The following RASEF variants were observed in gnomAD, a reference collection of about 807,000 sequenced individuals.
RASEF encodes the protein RAS and EF-hand domain containing.
In RASEF, 68 loss-of-function variants were observed where a neutral mutation model predicts 90.1. The ratio of observed to expected loss-of-function variants is 0.75; its 90% CI spans 0.62 to 0.92. The LOEUF (loss-of-function observed/expected upper bound fraction) is 0.92, where lower values mean the gene tolerates loss of function less well. Among genes scored for constraint, RASEF ranks in the 40% least tolerant of loss-of-function variants. RASEF has a pLI of 0.00. For synonymous variants in RASEF, 331 were observed against 345.2 expected (o/e 0.96, Z 0.46); for missense variants, 949 against 937.2 (o/e 1.01, Z -0.16).
intron 1 of RASEF, among the ~76,000 whole-genome samples, chr9:83,049,980 TGA>T (rs1156248531): frequency 5.2e-5 from 1 of 19,396 alleles, no homozygotes; most frequent in Non-Finnish European, 1.0e-4. Flanking sequence ...TTTGCTATTG[TGA>T]ATAGTGCCGC....
the RASEF span, among the ~76,000 whole-genome samples, chr9:83,176,890 C>T: frequency 1.3e-5 from 2 of 151,900 alleles, no homozygotes; most frequent in African/African-American, 4.8e-5. Context: ...TGTAAAGAAG[C>T]CAAGAGAAGA....
At chr9:83,049,416 C>T in intron 1 of RASEF, 1 of 765,608 alleles carries the variant, frequency 1.3e-6, no homozygotes, top group Non-Finnish European at 1.6e-6. Context: ...GATCAAAAGC[C>T]CATTCTCCCA....
chr9:83,048,851 G>C, intron 1 of RASEF: 2 of 763,720 alleles, frequency 2.6e-6, no homozygotes, highest in Non-Finnish European at 3.2e-6. Flanking sequence ...CTGTGAGGCT[G>C]TGTGCAGTGG....
At position 83,003,218 on chromosome 9, in the gene RASEF, A is replaced by AC. The variant is rs201003430; in HGVS notation, c.1202+1279dup. ...GTTATCTTCTTATGTCAAAATAATC[A>AC]CCCCCCCACACACACCCAGAAGGGG... On this transcript the variant is annotated intron_variant, in intron 9 of 16. Transcript: ENST00000376447. Among the ~76,000 whole-genome samples the AC allele has an allele frequency of 9.0e-3, 1,358 of 151,592 alleles. 20 individuals carry two copies. The highest frequency in any genetic ancestry group is 0.031 in the African/African-American group (1,288 of 41,192).
At chr9:83,092,014 T>TTTTTTTTTTTTTTTTTTTTTTTTTTTTTC in the RASEF span, among the ~76,000 whole-genome samples, 1 of 136,424 alleles carries the variant, frequency 7.3e-6, no homozygotes, top group Non-Finnish European at 1.5e-5. Flanking sequence ...TTTTTTTTTT[T>TTTTTTTTTTTTTTTTTTTTTTTTTTTTTC]TTTTTTTTTT....
At chr9:83,099,230 TAC>T in the RASEF span, among the ~76,000 whole-genome samples, 1 of 152,220 alleles carries the variant, frequency 6.6e-6, no homozygotes, top group Non-Finnish European at 1.5e-5. Context: ...CATAAGTGAC[TAC>T]AAAAGCCCAC....
the RASEF span, among the ~76,000 whole-genome samples, chr9:83,078,714 T>G: frequency 6.6e-6 from 1 of 151,880 alleles, no homozygotes; most frequent in South Asian, 2.1e-4. Flanking sequence ...GGCTAACCAA[T>G]CAGAAGCTGC....
chr9:83,155,177 G>A, the RASEF span, among the ~76,000 whole-genome samples: 3 of 152,166 alleles, frequency 2.0e-5, no homozygotes, highest in Non-Finnish European at 2.9e-5. Flanking sequence ...TTTTGGAGCC[G>A]TTCAATTCCC....
At chr9:83,147,068 A>G in the RASEF span, among the ~76,000 whole-genome samples, 1 of 149,898 alleles carries the variant, frequency 6.7e-6, no homozygotes, top group Non-Finnish European at 1.5e-5. Flanking sequence ...ATAAATATGT[A>G]CATCTCATAA....
At chr9:83,168,178 A>T in the RASEF span, among the ~76,000 whole-genome samples, 1 of 152,004 alleles carries the variant, frequency 6.6e-6, no homozygotes. Flanking sequence ...GTTATGATTT[A>T]TTTTTTATTG....
chr9:83,097,318 C>T, the RASEF span, among the ~76,000 whole-genome samples: 13 of 152,244 alleles, frequency 8.5e-5, no homozygotes, highest in South Asian at 4.1e-4. Context: ...TTTTAATGAT[C>T]GCCATTCTAA....
the RASEF span, among the ~76,000 whole-genome samples, chr9:83,074,176 C>T: frequency 8.8e-3 from 1,346 of 152,186 alleles, 21 homozygotes; most frequent in African/African-American, 0.031. Context: ...GGTGCAGCCA[C>T]AGAGATGGAG....
upstream of RASEF, among the ~76,000 whole-genome samples, chr9:83,066,639 C>T (rs933032028): frequency 6.6e-6 from 1 of 152,214 alleles, no homozygotes; most frequent in East Asian, 1.9e-4. Flanking sequence ...GAAAGATCAG[C>T]TTCCTCTCTG....
the RASEF span, among the ~76,000 whole-genome samples, chr9:83,193,490 G>A: frequency 6.6e-6 from 1 of 152,176 alleles, no homozygotes; most frequent in Non-Finnish European, 1.5e-5. Flanking sequence ...AAGTTTTAGA[G>A]AGAAAATCCA....
chr9:83,113,045 GAAATA>G, the RASEF span, among the ~76,000 whole-genome samples: 1 of 151,994 alleles, frequency 6.6e-6, no homozygotes, highest in Non-Finnish European at 1.5e-5. Context: ...ACACATATAA[GAAATA>G]AAATAAGATA....
At chr9:83,038,590 C>T (rs1271103762) in intron 1 of RASEF, among the ~76,000 whole-genome samples, 1 of 152,036 alleles carries the variant, frequency 6.6e-6, no homozygotes, top group Non-Finnish European at 1.5e-5. Flanking sequence ...GAATATATTC[C>T]AGTACTATTT....
the RASEF span, among the ~76,000 whole-genome samples, chr9:83,190,512 C>G: frequency 2.4e-5 from 3 of 125,992 alleles, no homozygotes; most frequent in Non-Finnish European, 3.1e-5. Context: ...AGGTTTACAC[C>G]TTAGCTTTTT....
the RASEF span, among the ~76,000 whole-genome samples, chr9:83,208,244 C>T: frequency 6.6e-6 from 1 of 152,112 alleles, no homozygotes; most frequent in Non-Finnish European, 1.5e-5. Context: ...CTCCCAGGGG[C>T]GTGTCTCCAG....
chr9:83,062,834 G>A lies in RASEF; in HGVS notation c.34C>T (p.Arg12Trp), dbSNP rs765429973. The A allele has an allele frequency of 1.9e-6, 3 of 1,545,968 alleles. No individual in the cohort carries two copies. The highest frequency in any genetic ancestry group is 2.8e-5 in the African/African-American group (2 of 71,010). ...CAGGCGGCGAAGACTGAGCGCAGCC[G>A]GGCCAGCTCCTCTCCGTCCCCATCC... ...EADGDGEELA[R>W]LRSVFAACDA... Residue 12 changes from arginine (R) to tryptophan (W), a missense_variant, in exon 1 of 17, where the codon CGG becomes TGG. Physicochemically the swap from Arg to Trp is moderately radical, Grantham distance 101. Coordinates refer to ENST00000376447, the MANE Select transcript of RASEF (RefSeq NM_152573.4).
Sources: allele counts gnomAD v4.1 joint callset (sites outside exome capture counted in the v4.1 genomes callset), GRCh38; gene constraint gnomAD v4.1.1; transcripts MANE v1.5; gene names NCBI Gene and HGNC (gene_info 2026-07-23, HGNC 2026-07-21).